SNX29: variants seen among roughly 807,000 people sequenced by gnomAD.
SNX29 encodes sorting nexin 29.
SNX29 carries 78 observed loss-of-function variants against 102.1 expected under a neutral mutation model. The observed-to-expected ratio is 0.76, with a 90% confidence interval of 0.64 to 0.92. The LOEUF is 0.92. SNX29 is among the 40% of genes least tolerant of loss of function. SNX29 has a pLI of 0.00. For missense variants in SNX29, 1,280 were observed against 1,061.7 expected (o/e 1.21, Z -2.86); for synonymous variants, 580 against 414.5 (o/e 1.40, Z -4.85).
intron 11 of SNX29, among the ~76,000 whole-genome samples, chr16:12,101,572 C>G (rs1388771372): frequency 6.6e-6 from 1 of 151,776 alleles, no homozygotes; most frequent in Non-Finnish European, 1.5e-5. Context: ...TTACTAGAGA[C>G]AGAGTTTCAC....
chr16:12,556,033 A>G (rs2078323170), intron 20 of SNX29, among the ~76,000 whole-genome samples: 2 of 152,294 alleles, frequency 1.3e-5, no homozygotes, highest in African/African-American at 2.4e-5. Flanking sequence ...ATGCCACCGT[A>G]GTGCTGAGTG....
At chr16:12,567,203 T>C (rs2079047891) in intron 20 of SNX29, among the ~76,000 whole-genome samples, 1 of 152,192 alleles carries the variant, frequency 6.6e-6, no homozygotes, top group African/African-American at 2.4e-5. Context: ...GCATCTTTGG[T>C]CCTTTCTAAA....
At chr16:12,520,495 T>G (rs1201456686) in intron 19 of SNX29, among the ~76,000 whole-genome samples, 2 of 152,198 alleles carry the variant, frequency 1.3e-5, no homozygotes, top group African/African-American at 4.8e-5. Flanking sequence ...TGACCAGCCT[T>G]GGCTGTGCTG....
intron 9 of SNX29, among the ~76,000 whole-genome samples, chr16:12,063,597 T>G (rs1017939765): frequency 7.2e-5 from 11 of 151,982 alleles, no homozygotes; most frequent in Non-Finnish European, 1.6e-4. Context: ...CAGACTGATC[T>G]CAAACTCCTG....
chr16:12,023,436 C>T (rs1345292633), intron 3 of SNX29, among the ~76,000 whole-genome samples: 3 of 148,338 alleles, frequency 2.0e-5, no homozygotes, highest in Non-Finnish European at 3.0e-5. Flanking sequence ...AAAGTAGCTG[C>T]GCATGGTAGT....
At chr16:12,060,801 G>A (rs750079976) in intron 8 of SNX29, 74 of 456,292 alleles carry the variant, frequency 1.6e-4, no homozygotes, top group African/African-American at 1.1e-3. Context: ...ACTGCCTGGC[G>A]TTTCGAAGAT....
At chr16:12,420,949 A>G (rs1222046710) in intron 18 of SNX29, among the ~76,000 whole-genome samples, 1 of 152,220 alleles carries the variant, frequency 6.6e-6, no homozygotes, top group Admixed American at 6.5e-5. Flanking sequence ...ATGGGAACAC[A>G]GATGAGATAA....
intron 15 of SNX29, among the ~76,000 whole-genome samples, chr16:12,332,519 C>T (rs1246029026): frequency 2.6e-5 from 4 of 152,162 alleles, no homozygotes; most frequent in Non-Finnish European, 5.9e-5. Context: ...CTATCCTCCC[C>T]CGTCCTCGTC....
At chr16:12,280,826 A>T (rs1167824892) in intron 15 of SNX29, among the ~76,000 whole-genome samples, 4 of 152,228 alleles carry the variant, frequency 2.6e-5, no homozygotes, top group Non-Finnish European at 4.4e-5. Context: ...GACTTGTTAG[A>T]GTAATGAACG....
intron 19 of SNX29, among the ~76,000 whole-genome samples, chr16:12,481,103 A>G (rs927508240): frequency 6.6e-6 from 1 of 152,102 alleles, no homozygotes; most frequent in African/African-American, 2.4e-5. Context: ...TCAGCCAAGC[A>G]ATGTGCTTTT....
intron 15 of SNX29, among the ~76,000 whole-genome samples, chr16:12,282,101 A>C (rs924605538): frequency 1.3e-5 from 2 of 151,394 alleles, no homozygotes; most frequent in East Asian, 3.9e-4. Context: ...AAAAAAAAAA[A>C]AAAAAAATGC....
chr16:12,285,410 A>T (rs907090407), intron 15 of SNX29, among the ~76,000 whole-genome samples: 2 of 152,234 alleles, frequency 1.3e-5, no homozygotes, highest in African/African-American at 4.8e-5. Context: ...TAAGACACTT[A>T]TCGTTTACTG....
At chr16:12,348,401 C>G (rs543806041) in intron 15 of SNX29, among the ~76,000 whole-genome samples, 1 of 152,360 alleles carries the variant, frequency 6.6e-6, no homozygotes, top group South Asian at 2.1e-4. Flanking sequence ...TTCTTACTTA[C>G]TCTAGGTGCC....
intron 3 of SNX29, among the ~76,000 whole-genome samples, chr16:12,006,793 A>AT (rs1392032694): frequency 6.6e-6 from 1 of 151,930 alleles, no homozygotes; most frequent in African/African-American, 2.4e-5. Context: ...TAATTTTTGT[A>AT]TTTTTTGTAG....
rs932136201 is a variant in SNX29 at position 12,000,843 on chromosome 16, C to G, written c.69+1485C>G. On this transcript the variant is annotated intron_variant, in intron 2 of 20. Coordinates refer to ENST00000566228, the MANE Select transcript of SNX29 (RefSeq NM_032167.5). ...TTCTTTAGCTCTGTGTGTACAGGGACAACTCGTGCACCCTCCCTGAGCAGC... is the reference window on the plus strand; with the variant it reads ...TTCTTTAGCTCTGTGTGTACAGGGAGAACTCGTGCACCCTCCCTGAGCAGC... Among the ~76,000 whole-genome samples the G allele has an allele frequency of 2.0e-5, 3 of 152,160 alleles. No homozygotes were observed. The South Asian group carries it at 6.2e-4, about 32-fold the overall frequency.
chr16:12,486,215 C>T (rs574100432), intron 19 of SNX29, among the ~76,000 whole-genome samples: 22 of 152,288 alleles, frequency 1.4e-4, no homozygotes, highest in South Asian at 4.1e-4. Context: ...GATCTTCCCC[C>T]GATCACAGCA....
chr16:12,110,418 A>T (rs1441190685), intron 11 of SNX29, among the ~76,000 whole-genome samples: 1 of 152,070 alleles, frequency 6.6e-6, no homozygotes, highest in Non-Finnish European at 1.5e-5. Context: ...TCTCCAGGTG[A>T]GTGGGTTTTG....
chr16:12,169,422 G>A (rs1245726520), intron 13 of SNX29, among the ~76,000 whole-genome samples: 6 of 152,316 alleles, frequency 3.9e-5, no homozygotes, highest in Admixed American at 3.9e-4. Context: ...AGGCCATGTG[G>A]GTCTTGTCAG....
rs558429271 is a variant in SNX29, at chr16:12,497,873, A to G, written c.2178+20014A>G. Among the ~76,000 whole-genome samples the G allele has an allele frequency of 7.2e-5, 11 of 152,274 alleles. No individual in the cohort carries two copies. The South Asian group carries it at 1.4e-3, about 20-fold the overall frequency. On this transcript the variant is annotated intron_variant, in intron 19 of 20. Coordinates refer to ENST00000566228, the MANE Select transcript of SNX29 (RefSeq NM_032167.5). ...GAGTCTCCTGCCTGTCCCAGGACCA[A>G]TCACAGCGACTGTGATTGGCCAGGT...
Sources: gnomAD v4.1 joint callset for allele counts (sites outside exome capture counted in the v4.1 genomes callset) on GRCh38, gnomAD v4.1.1 for gene constraint, MANE v1.5 for transcripts, NCBI Gene and HGNC (gene_info 2026-07-23, HGNC 2026-07-21) for gene names.